The following AHCY variants were observed in gnomAD, a reference collection of about 807,000 sequenced individuals.
AHCY encodes adenosylhomocysteinase, also known as S-adenosyl-L-homocysteine hydrolase.
Under a neutral mutation model 45.4 loss-of-function variants are expected in AHCY, and 24 were observed. The observed-to-expected ratio is 0.53, with a 90% CI of 0.38 to 0.74. The LOEUF is 0.74. Among genes scored for constraint, AHCY ranks in the 30% least tolerant of loss-of-function variants. The probability of loss-of-function intolerance (pLI) is 0.00; values close to 1 mark genes in which losing one functional copy is unlikely to be tolerated. For synonymous variants in AHCY, 245 were observed against 235.1 expected (o/e 1.04, Z -0.39); for missense variants, 449 against 594.1 (o/e 0.76, Z 2.54).
the AHCY span, among the ~76,000 whole-genome samples, chr20:34,264,059 A>G: frequency 6.6e-6 from 1 of 152,212 alleles, no homozygotes; most frequent in African/African-American, 2.4e-5. Context: ...AAAAATGAAA[A>G]AAAAGTATGT....
At chr20:34,235,929 A>AG in the AHCY span, among the ~76,000 whole-genome samples, 10 of 85,302 alleles carry the variant, frequency 1.2e-4, no homozygotes, top group African/African-American at 1.5e-3. Flanking sequence ...GAAGGAAGGA[A>AG]GCGGGAGGGA....
At chr20:34,239,044 A>G in the AHCY span, among the ~76,000 whole-genome samples, 1 of 152,094 alleles carries the variant, frequency 6.6e-6, no homozygotes, top group East Asian at 1.9e-4. Flanking sequence ...CTGGCTAATT[A>G]TTTCTAAGGG....
chr20:34,268,438 C>T, the AHCY span, among the ~76,000 whole-genome samples: 1 of 152,134 alleles, frequency 6.6e-6, no homozygotes, highest in Non-Finnish European at 1.5e-5. Flanking sequence ...ACCACTTAGG[C>T]CGGGCGCGGT....
chr20:34,310,793 A>G (rs773472881), intron 1 of AHCY, among the ~76,000 whole-genome samples: 1 of 152,194 alleles, frequency 6.6e-6, no homozygotes, highest in Non-Finnish European at 1.5e-5. Flanking sequence ...GCGCCACTGC[A>G]CTCTGCCTGG....
chr20:34,258,734 GTATA>G, the AHCY span, among the ~76,000 whole-genome samples: 1 of 41,952 alleles, frequency 2.4e-5, no homozygotes, highest in East Asian at 8.2e-4. Context: ...AATATATATA[GTATA>G]TATATACTAT....
the AHCY span, among the ~76,000 whole-genome samples, chr20:34,258,688 T>TATATATATATATATATATATATATAC: frequency 4.7e-4 from 31 of 66,542 alleles, no homozygotes; most frequent in Non-Finnish European, 6.3e-4. Flanking sequence ...TATATATATA[T>TATATATATATATATATATATATATAC]ATACATACTA....
At chr20:34,266,224 C>T in the AHCY span, among the ~76,000 whole-genome samples, 3 of 151,866 alleles carry the variant, frequency 2.0e-5, no homozygotes, top group Admixed American at 2.0e-4. Flanking sequence ...TGGTGGCGGG[C>T]GCCTGTAGTC....
the AHCY span, among the ~76,000 whole-genome samples, chr20:34,254,737 G>A: frequency 2.0e-5 from 3 of 152,212 alleles, no homozygotes; most frequent in African/African-American, 7.2e-5. Flanking sequence ...CGTTCACAAA[G>A]TTCTGAATTC....
At chr20:34,243,721 ATCTT>A in the AHCY span, among the ~76,000 whole-genome samples, 1 of 151,150 alleles carries the variant, frequency 6.6e-6, no homozygotes. Flanking sequence ...TAAATTTTAC[ATCTT>A]TCTAATACTT....
the AHCY span, chr20:34,262,828 G>A: frequency 6.2e-7 from 1 of 1,613,784 alleles, no homozygotes; most frequent in Non-Finnish European, 8.5e-7. Context: ...GTCTCTCTTT[G>A]AAGCGCTGAA....
chr20:34,273,201 G>A, the AHCY span, among the ~76,000 whole-genome samples: 108,909 of 150,872 alleles, frequency 0.72, 43,748 homozygotes, highest in Non-Finnish European at 0.89. Flanking sequence ...ATTAAATCAC[G>A]CATTTGCCCT....
At chr20:34,268,445 C>T in the AHCY span, among the ~76,000 whole-genome samples, 1 of 152,098 alleles carries the variant, frequency 6.6e-6, no homozygotes, top group African/African-American at 2.4e-5. Flanking sequence ...AGGCCGGGCG[C>T]GGTGGCTCAC....
intron 3 of AHCY, among the ~76,000 whole-genome samples, chr20:34,292,723 GCAAAT>G (rs2036440283): frequency 6.6e-6 from 1 of 152,222 alleles, no homozygotes; most frequent in Admixed American, 6.5e-5. Flanking sequence ...GTGACCTTGG[GCAAAT>G]CACTTCACCT....
At position 34,296,775 on chromosome 20, in the gene AHCY, C is replaced by T. The variant is rs6141459; in HGVS notation, c.29-1190G>A. 3.1e-3 allele frequency among the ~76,000 whole-genome samples: 465 copies of T among 152,330 alleles called. 3 individuals are homozygous for T. Among genetic ancestry groups the T allele is most frequent in the African/African-American group, 0.011 (444 of 41,570 alleles). The stretch of plus-strand genomic sequence containing the variant: ...TTTTATCTTTAGGGAAGCTGAGATC[C>T]TGCCAAACACCCAAAGAGGTAGGCG... On this transcript the variant is annotated intron_variant, in intron 1 of 9. Transcript: ENST00000217426.
the AHCY span, among the ~76,000 whole-genome samples, chr20:34,274,175 G>GT: frequency 6.6e-6 from 1 of 152,180 alleles, no homozygotes; most frequent in Non-Finnish European, 1.5e-5. Context: ...GGCCTGTGTG[G>GT]TCTGCAGTTA....
chr20:34,268,630 G>C, the AHCY span, among the ~76,000 whole-genome samples: 1 of 152,090 alleles, frequency 6.6e-6, no homozygotes, highest in African/African-American at 2.4e-5. Flanking sequence ...CAGCTACTTG[G>C]GAGGTTGAAG....
chr20:34,306,907 G>A (rs1337556902), upstream of AHCY, among the ~76,000 whole-genome samples: 1 of 152,154 alleles, frequency 6.6e-6, no homozygotes, highest in African/African-American at 2.4e-5. Context: ...CAGGTATTAG[G>A]TAGGGGACGG....
chr20:34,261,079 TTAAG>T, the AHCY span, among the ~76,000 whole-genome samples: 15 of 152,344 alleles, frequency 9.8e-5, no homozygotes, highest in Middle Eastern at 6.8e-3. Context: ...CTTAGGAGAA[TTAAG>T]TAACTAGCAC....
At chr20:34,301,698 C>A (rs778998994) in intron 1 of AHCY, 29 of 609,168 alleles carry the variant, frequency 4.8e-5, no homozygotes, top group Non-Finnish European at 5.3e-5. Flanking sequence ...ACCCACTAAT[C>A]TCTCCACAGT....
Sources: gnomAD v4.1 joint callset for allele counts (sites outside exome capture counted in the v4.1 genomes callset) on GRCh38, gnomAD v4.1.1 for gene constraint, MANE v1.5 for transcripts, NCBI Gene and HGNC (gene_info 2026-07-23, HGNC 2026-07-21) for gene names.